Variants in RGS10 observed in about 807,000 individuals in gnomAD.
RGS10 encodes regulator of G protein signaling 10, also known as regulator of G-protein signalling 10.
In RGS10, 11 loss-of-function variants were observed where a neutral mutation model predicts 23.5. That is an observed-to-expected ratio of 0.47 (90% CI 0.29 to 0.77). RGS10 has a LOEUF of 0.77. RGS10 is among the 30% of genes least tolerant of loss of function. The pLI is 0.08. For synonymous variants in RGS10, 77 were observed against 83.2 expected, an observed-to-expected ratio of 0.92 and a Z score of 0.41; for missense variants, 180 against 226.3, an observed-to-expected ratio of 0.80 and a Z score of 1.31.
chr10:119,529,349 G>A (rs536865032), intron 1 of RGS10, among the ~76,000 whole-genome samples: 8 of 152,118 alleles, frequency 5.3e-5, no homozygotes, highest in Non-Finnish European at 8.8e-5. Context: ...AGCTACTTGG[G>A]AGGCTGAGGC....
At chr10:119,507,002 A>T (rs1248211020) in intron 4 of RGS10, among the ~76,000 whole-genome samples, 1 of 152,120 alleles carries the variant, frequency 6.6e-6, no homozygotes, top group Non-Finnish European at 1.5e-5. Context: ...CCCAGCACCA[A>T]ATACCATTTT....
intron 4 of RGS10, among the ~76,000 whole-genome samples, chr10:119,512,729 G>C (rs1192452765): frequency 6.6e-6 from 1 of 152,130 alleles, no homozygotes; most frequent in Non-Finnish European, 1.5e-5. Flanking sequence ...TGTATTTTTA[G>C]CAGAGATGGG....
At chr10:119,500,690 G>A (rs1051275448) in intron 4 of RGS10, among the ~76,000 whole-genome samples, 2 of 150,732 alleles carry the variant, frequency 1.3e-5, no homozygotes, top group Non-Finnish European at 2.9e-5. Context: ...TATGATGCCA[G>A]CATTGTTAAG....
At chr10:119,539,774 G>A (rs546031013) in intron 1 of RGS10, among the ~76,000 whole-genome samples, 12 of 152,200 alleles carry the variant, frequency 7.9e-5, no homozygotes, top group Non-Finnish European at 1.3e-4. Flanking sequence ...AATCCTCCGC[G>A]GAAAGACAGT....
intron 1 of RGS10, among the ~76,000 whole-genome samples, chr10:119,540,790 A>G (rs1432833176): frequency 6.6e-6 from 1 of 152,208 alleles, no homozygotes; most frequent in Non-Finnish European, 1.5e-5. Flanking sequence ...TAGCAGCTCT[A>G]TTTATAACAG....
chr10:119,505,757 A>G (rs1470570003), intron 4 of RGS10, among the ~76,000 whole-genome samples: 1 of 152,172 alleles, frequency 6.6e-6, no homozygotes, highest in Non-Finnish European at 1.5e-5. Context: ...CTCTGTGAAT[A>G]TTGCGTCACT....
At chr10:119,532,551 C>CA (rs1167723114) in intron 1 of RGS10, among the ~76,000 whole-genome samples, 1 of 152,006 alleles carries the variant, frequency 6.6e-6, no homozygotes, top group Admixed American at 6.6e-5. Flanking sequence ...CCCGTCTCCA[C>CA]AAAAAATACA....
intron 4 of RGS10, among the ~76,000 whole-genome samples, chr10:119,507,071 G>A (rs1016430609): frequency 3.3e-5 from 5 of 152,078 alleles, no homozygotes; most frequent in Admixed American, 2.0e-4. Context: ...CCTGACCCTC[G>A]TGAGGCAGAT....
chr10:119,505,857 T>C (rs571466814), intron 4 of RGS10, among the ~76,000 whole-genome samples: 1 of 152,302 alleles, frequency 6.6e-6, no homozygotes, highest in Admixed American at 6.5e-5. Flanking sequence ...ATGCATCCTC[T>C]CTTCTCTTCA....
At chr10:119,513,184 C>T (rs1372467329) in intron 4 of RGS10, among the ~76,000 whole-genome samples, 1 of 152,144 alleles carries the variant, frequency 6.6e-6, no homozygotes, top group African/African-American at 2.4e-5. Context: ...GAGGCTGGGC[C>T]TGGTGGCTCT....
chr10:119,533,340 A>C (rs576724808), intron 1 of RGS10, among the ~76,000 whole-genome samples: 1 of 152,310 alleles, frequency 6.6e-6, no homozygotes, highest in African/African-American at 2.4e-5. Context: ...TTAGGGAAAA[A>C]AGTTTAAAAA....
At chr10:119,516,095 G>T (rs1844140012) in intron 3 of RGS10, among the ~76,000 whole-genome samples, 1 of 151,894 alleles carries the variant, frequency 6.6e-6, no homozygotes, top group Admixed American at 6.6e-5. Context: ...CTAGTAAAAA[G>T]ACAAAAATTA....
rs1844289186 is a variant in RGS10, at chr10:119,527,489, G to A, written c.50-65C>T. On this transcript the variant is annotated intron_variant, in intron 1 of 4. Transcript: ENST00000369103. The surrounding 1 kb of genome is among the most constrained non-coding windows in gnomAD (Gnocchi z 4.2). Reference sequence around the variant, plus strand: ...CACTGTCATTTTAAGAAATCTGCATGCAATGGTCAGCACTGCCGTCACCAT... The same window carrying A: ...CACTGTCATTTTAAGAAATCTGCATACAATGGTCAGCACTGCCGTCACCAT... The A allele has an allele frequency of 3.2e-6, 4 of 1,240,128 alleles. No individual in the cohort carries two copies. The South Asian group carries it at 3.6e-5, about 11-fold the overall frequency. 76.8% of individuals were successfully genotyped at this position (1,240,128 alleles called of 1,614,324 possible). A position where few individuals can be genotyped will look rare whatever the true frequency, so the allele number is the denominator to read the frequency against.
intron 1 of RGS10, among the ~76,000 whole-genome samples, chr10:119,529,904 C>T (rs1220320355): frequency 6.6e-6 from 1 of 151,960 alleles, no homozygotes; most frequent in Non-Finnish European, 1.5e-5. Context: ...CCATCATGGC[C>T]AACATGGTGA....
At chr10:119,526,162 A>T in intron 2 of RGS10, 44 bp from the exon 3 acceptor site, 4 of 1,034,812 alleles carry the variant, frequency 3.9e-6, no homozygotes, top group Non-Finnish European at 5.6e-6. Context: ...TCTACTTTAA[A>T]AAAAAAATAA....
At chr10:119,523,503 CAA>C (rs1166604969) in intron 3 of RGS10, among the ~76,000 whole-genome samples, 1 of 152,154 alleles carries the variant, frequency 6.6e-6, no homozygotes, top group East Asian at 1.9e-4. Flanking sequence ...TGTCTCTATT[CAA>C]AATACAAAAA....
intron 3 of RGS10, among the ~76,000 whole-genome samples, chr10:119,521,137 G>A (rs1326942653): frequency 1.3e-5 from 2 of 152,090 alleles, no homozygotes. Flanking sequence ...TTGGGAGGCT[G>A]AGGCGAGAGG....
At position 119,527,233 on chromosome 10, in the gene RGS10, T is replaced by C; in HGVS notation, c.168+73A>G. 9.3e-7 allele frequency: 1 copy of C among 1,077,630 alleles called. No individual in the cohort carries two copies. The highest frequency in any genetic ancestry group is 1.4e-6 in the Non-Finnish European group (1 of 711,870). The allele number at this position is 1,077,630 out of a possible 1,614,324, so 66.8% of individuals were successfully genotyped here. On this transcript the variant is annotated intron_variant, in intron 2 of 4. Coordinates refer to ENST00000369103, the MANE Select transcript of RGS10 (RefSeq NM_001005339.2). This position sits in a 1 kb window ranked among gnomAD's most constrained non-coding sequence, Gnocchi z 4.2. ...GCTGACAGACAATGTTGAACTGGCC[T>C]ATTTCTCCCCTGTGTGCATCTGAAC...
At chr10:119,526,331 T>C (rs963911847) in intron 2 of RGS10, among the ~76,000 whole-genome samples, 2 of 152,180 alleles carry the variant, frequency 1.3e-5, no homozygotes, top group East Asian at 3.8e-4. Flanking sequence ...TTTGACATTG[T>C]AAAGAAGAGT....
Sources: gnomAD v4.1 joint callset for allele counts (sites outside exome capture counted in the v4.1 genomes callset) on GRCh38, gnomAD v4.1.1 for gene constraint, Gnocchi (gnomAD v3.1) non-coding constraint, MANE v1.5 for transcripts, NCBI Gene and HGNC (gene_info 2026-07-23, HGNC 2026-07-21) for gene names.